The following DAAM2 variants were observed in gnomAD, a reference collection of about 807,000 sequenced individuals.
DAAM2 encodes the protein dishevelled associated activator of morphogenesis 2, also known as disheveled-associated activator of morphogenesis 2.
In DAAM2, 39 loss-of-function variants were observed where a neutral mutation model predicts 120.7. The ratio of observed to expected loss-of-function variants is 0.32; its 90% confidence interval spans 0.25 to 0.42. The LOEUF is 0.42. Among genes scored for constraint, DAAM2 ranks in the 10% least tolerant of loss-of-function variants. DAAM2 has a pLI of 1.00. For missense variants in DAAM2, 1,283 were observed against 1,401.7 expected, an observed-to-expected ratio of 0.92 and a Z score of 1.35; for synonymous variants, 488 against 524.9, an observed-to-expected ratio of 0.93 and a Z score of 0.96.
At chr6:39,877,127 T>C (rs931349119) in intron 11 of DAAM2, among the ~76,000 whole-genome samples, 1 of 152,222 alleles carries the variant, frequency 6.6e-6, no homozygotes, top group African/African-American at 2.4e-5. Context: ...TGTAGACTTA[T>C]GGTGTGGATG....
chr6:39,880,046 C>A (rs544502357), intron 14 of DAAM2: 2 of 172,024 alleles, frequency 1.2e-5, no homozygotes, highest in Admixed American at 1.1e-4. Context: ...TATGGGACTC[C>A]CATGAGCATA....
intron 1 of DAAM2, among the ~76,000 whole-genome samples, chr6:39,802,692 C>T (rs1582591782): frequency 1.3e-5 from 2 of 152,192 alleles, no homozygotes; most frequent in African/African-American, 2.4e-5. Flanking sequence ...CTAGTCCACT[C>T]AACTCTCTAC....
chr6:39,831,545 A>G (rs1762888920), intron 1 of DAAM2, among the ~76,000 whole-genome samples: 1 of 151,758 alleles, frequency 6.6e-6, no homozygotes, highest in Admixed American at 6.6e-5. Flanking sequence ...GCAGATAAGA[A>G]GCAGCTCTAG....
In DAAM2 at chr6:39,901,601, C is replaced by G; in HGVS notation, c.2982+129C>G. On this transcript the variant is annotated intron_variant, in intron 24 of 24. Transcript: ENST00000274867. This position sits in a 1 kb window ranked among gnomAD's most constrained non-coding sequence, Gnocchi z 4.5. ...GAGGAACACCATAGGGGTTGGATGT[C>G]AGCCCCAGGAGAGAGAAACTTCTTC... The G allele has an allele frequency of 1.8e-6, 2 of 1,140,126 alleles. No homozygotes were observed. The highest frequency in any genetic ancestry group is 2.4e-6 in the Non-Finnish European group (2 of 824,668). The allele number at this position is 1,140,126 out of a possible 1,614,324, so 70.6% of individuals were successfully genotyped here.
intron 9 of DAAM2, among the ~76,000 whole-genome samples, chr6:39,872,439 C>G (rs1210388563): frequency 6.6e-6 from 1 of 152,180 alleles, no homozygotes. Context: ...TGATTAGTCT[C>G]AAATACCTTT....
chr6:39,882,278 G>C (rs553624187), intron 14 of DAAM2: 2 of 152,252 alleles, frequency 1.3e-5, no homozygotes, highest in South Asian at 4.2e-4. Flanking sequence ...ATACCTCCTC[G>C]AAGAGCCTCA....
chr6:39,856,733 T>C (rs1013725219), intron 2 of DAAM2, among the ~76,000 whole-genome samples: 6 of 152,190 alleles, frequency 3.9e-5, no homozygotes, highest in African/African-American at 1.4e-4. Flanking sequence ...AGTAATTAGG[T>C]TATCATAGGA....
intron 1 of DAAM2, chr6:39,855,918 A>T (rs1243960876): frequency 4.1e-6 from 2 of 489,396 alleles, no homozygotes; most frequent in African/African-American, 2.1e-5. Context: ...CATTTATGGA[A>T]AGTCAGCTCT....
intron 7 of DAAM2, among the ~76,000 whole-genome samples, chr6:39,869,366 C>T (rs2149310938): frequency 6.6e-6 from 1 of 152,184 alleles, no homozygotes; most frequent in South Asian, 2.1e-4. Flanking sequence ...GGGTGGATTA[C>T]CTGAGGTCAG....
At chr6:39,864,583 C>T (rs957532904) in intron 4 of DAAM2, 76 bp downstream of exon 4, 8 of 1,217,148 alleles carry the variant, frequency 6.6e-6, no homozygotes, top group South Asian at 1.4e-5. Flanking sequence ...CAGCCCCCAC[C>T]CCCCACACAC....
intron 2 of DAAM2, among the ~76,000 whole-genome samples, chr6:39,858,414 G>A (rs1276728392): frequency 6.6e-6 from 1 of 152,170 alleles, no homozygotes; most frequent in Non-Finnish European, 1.5e-5. Context: ...TTCAAGAGCT[G>A]TTTAGGAGGA....
At chr6:39,888,596 G>C (rs1305529459) in intron 16 of DAAM2, 83 bp from the exon 17 acceptor site, 2 of 1,148,658 alleles carry the variant, frequency 1.7e-6, no homozygotes, top group African/African-American at 3.0e-5. Context: ...AGTCCTGTTA[G>C]GGAATGAGGG....
intron 1 of DAAM2, among the ~76,000 whole-genome samples, chr6:39,854,032 C>T (rs895472737): frequency 4.6e-5 from 7 of 152,178 alleles, no homozygotes; most frequent in African/African-American, 1.7e-4. Context: ...CCCAGGGGAA[C>T]CCCAAAGTCC....
chr6:39,793,541 C>A (rs1761611618), intron 1 of DAAM2, among the ~76,000 whole-genome samples: 1 of 148,350 alleles, frequency 6.7e-6, no homozygotes, highest in South Asian at 2.1e-4. Flanking sequence ...AAAAGAGTCC[C>A]CATAGGTTTT....
At chr6:39,838,284 G>T (rs1360918024) in intron 1 of DAAM2, among the ~76,000 whole-genome samples, 1 of 152,200 alleles carries the variant, frequency 6.6e-6, no homozygotes, top group African/African-American at 2.4e-5. Flanking sequence ...ACCCAAGGAG[G>T]TGCATGGCCC....
At chr6:39,826,888 G>T (rs1762693544) in intron 1 of DAAM2, among the ~76,000 whole-genome samples, 2 of 152,156 alleles carry the variant, frequency 1.3e-5, no homozygotes, top group Non-Finnish European at 2.9e-5. Flanking sequence ...GCTTCAAAGA[G>T]AAAATCTGAG....
intron 1 of DAAM2, among the ~76,000 whole-genome samples, chr6:39,849,499 A>G (rs1454925784): frequency 6.6e-6 from 1 of 152,208 alleles, no homozygotes; most frequent in Non-Finnish European, 1.5e-5. Flanking sequence ...TCCTCCTGAC[A>G]ACCCTATGAA....
intron 1 of DAAM2, among the ~76,000 whole-genome samples, chr6:39,800,242 G>A (rs1014288206): frequency 1.3e-5 from 2 of 152,146 alleles, no homozygotes; most frequent in Admixed American, 6.5e-5. Flanking sequence ...CTTAGGCTGC[G>A]TGACGGATGT....
intron 1 of DAAM2, among the ~76,000 whole-genome samples, chr6:39,796,228 A>C (rs997105290): frequency 3.9e-5 from 6 of 152,188 alleles, no homozygotes; most frequent in African/African-American, 1.4e-4. Flanking sequence ...CCCATCTCAA[A>C]GCTTGTAAGT....
Sources: gnomAD v4.1 joint callset for allele counts (sites outside exome capture counted in the v4.1 genomes callset) on GRCh38, gnomAD v4.1.1 for gene constraint, Gnocchi (gnomAD v3.1) non-coding constraint, MANE v1.5 for transcripts, NCBI Gene and HGNC (gene_info 2026-07-23, HGNC 2026-07-21) for gene names.